TTLL5: variants seen among roughly 807,000 people sequenced by gnomAD.
The protein encoded by TTLL5 is tubulin polyglutamylase TTLL5.
Under a neutral mutation model 168.4 loss-of-function variants are expected in TTLL5, and 132 were observed. The observed-to-expected ratio is 0.78, with a 90% CI of 0.68 to 0.91. The LOEUF (loss-of-function observed/expected upper bound fraction) is 0.91, where lower values mean the gene tolerates loss of function less well. Among genes scored for constraint, TTLL5 ranks in the 40% least tolerant of loss-of-function variants. The pLI is 0.00. For missense variants in TTLL5, 1,545 were observed against 1,581.5 expected (o/e 0.98, Z 0.39); for synonymous variants, 546 against 558.6 (o/e 0.98, Z 0.32).
intron 31 of TTLL5, among the ~76,000 whole-genome samples, chr14:75,947,350 A>G (rs1361062676): frequency 6.6e-6 from 1 of 152,244 alleles, no homozygotes; most frequent in African/African-American, 2.4e-5. Flanking sequence ...ATGTAGCTAT[A>G]TTTATCAGAC....
intron 31 of TTLL5, among the ~76,000 whole-genome samples, chr14:75,910,637 G>A (rs1032363946): frequency 2.6e-5 from 4 of 152,198 alleles, no homozygotes; most frequent in African/African-American, 9.7e-5. Flanking sequence ...TTTGGAAAAA[G>A]CAAGCTTTCC....
intron 24 of TTLL5, 96 bp from the exon 25 acceptor site, chr14:75,782,391 G>A (rs1484902871): frequency 5.3e-6 from 5 of 937,494 alleles, no homozygotes; most frequent in Non-Finnish European, 6.4e-6. Flanking sequence ...GCATTGATTA[G>A]CAGTTGTGTT....
intron 19 of TTLL5, 77 bp from the exon 20 acceptor site, chr14:75,765,985 A>G (rs1417867820): frequency 7.3e-7 from 1 of 1,369,692 alleles, no homozygotes; most frequent in African/African-American, 1.5e-5. Context: ...CTTTTACTAA[A>G]AAGAGAAAAG....
intron 15 of TTLL5, among the ~76,000 whole-genome samples, chr14:75,738,704 G>A (rs575623964): frequency 6.6e-6 from 1 of 152,266 alleles, no homozygotes; most frequent in African/African-American, 2.4e-5. Flanking sequence ...AAATATACCT[G>A]GAACTAATGT....
At chr14:75,691,554 C>A (rs1158702676) in intron 6 of TTLL5, among the ~76,000 whole-genome samples, 2 of 152,186 alleles carry the variant, frequency 1.3e-5, no homozygotes, top group African/African-American at 4.8e-5. Flanking sequence ...AGTTAGGGTT[C>A]AAACTGGCAG....
intron 31 of TTLL5, among the ~76,000 whole-genome samples, chr14:75,952,127 A>G (rs1032265834): frequency 6.6e-6 from 1 of 152,222 alleles, no homozygotes; most frequent in Non-Finnish European, 1.5e-5. Context: ...GAGCAAAGGA[A>G]CTGAGCAGAT....
At chr14:75,753,410 G>A (rs1180401932) in intron 18 of TTLL5, among the ~76,000 whole-genome samples, 3 of 152,108 alleles carry the variant, frequency 2.0e-5, no homozygotes, top group Non-Finnish European at 4.4e-5. Context: ...AAGGGAAAAT[G>A]GAAATGATGG....
At chr14:75,941,030 C>T (rs180952511) in intron 31 of TTLL5, among the ~76,000 whole-genome samples, 1 of 152,312 alleles carries the variant, frequency 6.6e-6, no homozygotes, top group East Asian at 1.9e-4. Context: ...GACACTTGAG[C>T]TCTTGTTGGT....
intron 28 of TTLL5, among the ~76,000 whole-genome samples, chr14:75,834,280 TG>T (rs1359262381): frequency 6.6e-6 from 1 of 152,088 alleles, no homozygotes; most frequent in Non-Finnish European, 1.5e-5. Context: ...TGCAGTGTTG[TG>T]GGAGCATCAC....
intron 28 of TTLL5, among the ~76,000 whole-genome samples, chr14:75,833,309 C>T (rs1895684562): frequency 6.6e-6 from 1 of 152,228 alleles, no homozygotes; most frequent in Non-Finnish European, 1.5e-5. Flanking sequence ...TCCTGTCACC[C>T]AGTCCCCAGC....
rs769845921 is a variant in TTLL5 at position 75,863,848 on chromosome 14, C to G, written c.3508C>G (p.Arg1170Gly). ...GTCCCGGCAGCTCCTGGACCAGAGT[C>G]GAGCCCGGCACCAGGTAATTCAAGA... is the stretch of plus-strand genomic sequence containing the variant. ...LQSRQLLDQS[R>G]ARHQAIFGSQ... Residue 1170 changes from arginine (R) to glycine (G), a missense_variant, in exon 29 of 32, where the codon CGA (arginine) becomes GGA (glycine). Physicochemically the swap from Arg to Gly is moderately radical, Grantham distance 125. Coordinates refer to ENST00000298832, the MANE Select transcript of TTLL5 (RefSeq NM_015072.5). The G allele has an allele frequency of 6.4e-7, 1 of 1,571,972 alleles. No individual in the cohort carries two copies. The highest frequency in any genetic ancestry group is 8.6e-7 in the Non-Finnish European group (1 of 1,157,450).
At chr14:75,729,974 T>A (rs919779349) in intron 12 of TTLL5, among the ~76,000 whole-genome samples, 1 of 152,234 alleles carries the variant, frequency 6.6e-6, no homozygotes, top group South Asian at 2.1e-4. Flanking sequence ...TCATTGATTG[T>A]TAATCTGATT....
At chr14:75,878,964 T>C (rs1231779342) in intron 29 of TTLL5, among the ~76,000 whole-genome samples, 1 of 140,690 alleles carries the variant, frequency 7.1e-6, no homozygotes, top group Non-Finnish European at 1.5e-5. Flanking sequence ...TTTGCCTATT[T>C]TGTTGTGTAG....
At chr14:75,724,191 G>A (rs1253906949) in intron 12 of TTLL5, among the ~76,000 whole-genome samples, 2 of 152,110 alleles carry the variant, frequency 1.3e-5, no homozygotes, top group Non-Finnish European at 2.9e-5. Flanking sequence ...TCTGCCAGGG[G>A]CATTCCCTTA....
Position 75,766,126 on chromosome 14 carries a change from C to G in TTLL5, c.1773C>G (p.Val591=). ...TETESEEEEE[V]ALDNEDEEQE... ...CAGAGAGTGAAGAGGAGGAAGAAGT[C>G]GCATTAGATAATGAAGATGAAGAAC... Residue 591 remains valine, a synonymous_variant, in exon 20 of 32, where the codon GTC becomes GTG. Coordinates refer to ENST00000298832, the MANE Select transcript of TTLL5 (RefSeq NM_015072.5). 2 of 1,613,854 alleles carry G rather than the reference C, an allele frequency of 1.2e-6. No individual in the cohort carries two copies. Among genetic ancestry groups the G allele is most frequent in the South Asian group, 2.2e-5 (2 of 91,060 alleles).
intron 28 of TTLL5, among the ~76,000 whole-genome samples, chr14:75,834,294 T>G (rs1895755756): frequency 6.6e-6 from 1 of 152,140 alleles, no homozygotes; most frequent in Admixed American, 6.5e-5. Context: ...AGCATCACAT[T>G]CAAGTAGGGG....
chr14:75,953,406 T>G (rs1056489854), intron 31 of TTLL5, among the ~76,000 whole-genome samples: 1 of 152,154 alleles, frequency 6.6e-6, no homozygotes, highest in African/African-American at 2.4e-5. Flanking sequence ...CCCAAAGAAA[T>G]TCTACCAGTA....
chr14:75,751,331 C>T lies in TTLL5; in HGVS notation c.1488-1562C>T, dbSNP rs555692954. 5.9e-5 allele frequency among the ~76,000 whole-genome samples: 9 copies of T among 152,220 alleles called. No individual in the cohort carries two copies. The South Asian group carries it at 1.0e-3, about 18-fold the overall frequency. Reference sequence around the variant, plus strand: ...TTTTCCTTAAGTCAAGAACTTTTACCGTTTCACCGAAAGGAAGCACTTTAC... The same window carrying T: ...TTTTCCTTAAGTCAAGAACTTTTACTGTTTCACCGAAAGGAAGCACTTTAC... On this transcript the variant is annotated intron_variant, in intron 17 of 31. Transcript: ENST00000298832.
intron 27 of TTLL5, among the ~76,000 whole-genome samples, chr14:75,816,580 G>A (rs1188454548): frequency 1.3e-5 from 2 of 152,102 alleles, no homozygotes; most frequent in African/African-American, 2.4e-5. Context: ...ATCTCCAGAC[G>A]ATATCATTTA....
Sources: allele counts gnomAD v4.1 joint callset (sites outside exome capture counted in the v4.1 genomes callset), GRCh38; gene constraint gnomAD v4.1.1; transcripts MANE v1.5; gene names NCBI Gene and HGNC (gene_info 2026-07-23, HGNC 2026-07-21).